The following METTL25 variants were observed in gnomAD, a reference collection of about 807,000 sequenced individuals.
METTL25 encodes the protein methyltransferase like 25.
In METTL25, 64 loss-of-function variants were observed where a neutral mutation model predicts 71.6. The observed-to-expected ratio is 0.89, with a 90% CI of 0.73 to 1.10. METTL25 has a LOEUF of 1.10. Among genes scored for constraint, METTL25 ranks in the 50% least tolerant of loss-of-function variants. METTL25 has a pLI of 0.00. For synonymous variants in METTL25, 287 were observed against 250.3 expected (o/e 1.15, Z -1.38); for missense variants, 807 against 707.0 (o/e 1.14, Z -1.60).
intron 5 of METTL25, among the ~76,000 whole-genome samples, chr12:82,423,569 G>T (rs1280553886): frequency 1.3e-5 from 2 of 152,168 alleles, no homozygotes; most frequent in African/African-American, 4.8e-5. Context: ...AAGAGCTTCT[G>T]CACAGCAAAA....
chr12:82,362,948 A>G (rs1245509738), intron 1 of METTL25, among the ~76,000 whole-genome samples: 1 of 152,204 alleles, frequency 6.6e-6, no homozygotes, highest in Non-Finnish European at 1.5e-5. Flanking sequence ...AAAGACTGTG[A>G]TTGATTGGGT....
chr12:82,426,965 A>G (rs979749606), intron 5 of METTL25, among the ~76,000 whole-genome samples: 3 of 151,790 alleles, frequency 2.0e-5, no homozygotes, highest in African/African-American at 7.3e-5. Context: ...ATCCCTATTC[A>G]TATTAGCTAC....
chr12:82,414,695 CAG>C (rs1040881026), intron 5 of METTL25, among the ~76,000 whole-genome samples: 31 of 151,992 alleles, frequency 2.0e-4, no homozygotes, highest in Non-Finnish European at 4.1e-4. Flanking sequence ...AAATTCTTGT[CAG>C]AGAGTTGACA....
intron 8 of METTL25, among the ~76,000 whole-genome samples, chr12:82,450,070 C>CT (rs1891032087): frequency 6.6e-6 from 1 of 152,136 alleles, no homozygotes; most frequent in Non-Finnish European, 1.5e-5. Context: ...TGAAACACTT[C>CT]TTTCTCTCAT....
chr12:82,429,201 A>C (rs891839143), intron 5 of METTL25, among the ~76,000 whole-genome samples: 11 of 151,666 alleles, frequency 7.3e-5, no homozygotes, highest in Admixed American at 2.6e-4. Flanking sequence ...CTCTCCCCAC[A>C]GCACATATAC....
chr12:82,379,781 G>A (rs1236298490), intron 1 of METTL25, among the ~76,000 whole-genome samples: 2 of 152,136 alleles, frequency 1.3e-5, no homozygotes, highest in Non-Finnish European at 2.9e-5. Context: ...CCTACCTAGA[G>A]CATAGTATCC....
rs536011532 is a variant in METTL25 at position 82,407,849 on chromosome 12, A to G, written c.1279+4719A>G. The G allele has an allele frequency of 1.5e-5, 15 of 985,374 alleles. No homozygotes were observed. In the South Asian group the frequency reaches 5.6e-4, roughly 37 times the overall value. 61.0% of individuals were successfully genotyped at this position (985,374 alleles called of 1,614,324 possible). ...TAGCCCTGGACTGCCACATTTTCTCATCTCAAAAACCAGATGGAAAAGGTA... is the reference window on the plus strand; with the variant it reads ...TAGCCCTGGACTGCCACATTTTCTCGTCTCAAAAACCAGATGGAAAAGGTA... On this transcript the variant is annotated intron_variant, in intron 5 of 11. Coordinates refer to ENST00000248306, the MANE Select transcript of METTL25 (RefSeq NM_032230.3).
At chr12:82,457,846 A>G (rs930222046) in intron 9 of METTL25, among the ~76,000 whole-genome samples, 3 of 152,088 alleles carry the variant, frequency 2.0e-5, no homozygotes, top group Non-Finnish European at 2.9e-5. Flanking sequence ...AGAATAGACA[A>G]GGTTACACTA....
At chr12:82,443,590 T>C (rs1890521261) in intron 8 of METTL25, among the ~76,000 whole-genome samples, 1 of 152,122 alleles carries the variant, frequency 6.6e-6, no homozygotes, top group Non-Finnish European at 1.5e-5. Context: ...GCTGAGTAAT[T>C]TATAAAGAAA....
intron 8 of METTL25, among the ~76,000 whole-genome samples, chr12:82,456,474 T>C (rs915643225): frequency 6.6e-6 from 1 of 151,954 alleles, no homozygotes; most frequent in Non-Finnish European, 1.5e-5. Context: ...AAATGAGGCT[T>C]TTTAATACTG....
At chr12:82,434,177 C>T (rs1357226548) in intron 6 of METTL25, among the ~76,000 whole-genome samples, 1 of 151,276 alleles carries the variant, frequency 6.6e-6, no homozygotes, top group Non-Finnish European at 1.5e-5. Flanking sequence ...ATTTGTAGAT[C>T]ACACAGACCA....
intron 1 of METTL25, among the ~76,000 whole-genome samples, chr12:82,373,559 A>C (rs1386526098): frequency 3.3e-5 from 5 of 152,132 alleles, no homozygotes; most frequent in Non-Finnish European, 2.9e-5. Context: ...GGTGAGAGAA[A>C]GTTTGTCTGA....
At chr12:82,456,215 C>T (rs1891475906) in intron 8 of METTL25, among the ~76,000 whole-genome samples, 1 of 151,802 alleles carries the variant, frequency 6.6e-6, no homozygotes, top group Non-Finnish European at 1.5e-5. Flanking sequence ...TCAAAACCAT[C>T]CCATGCTACT....
chr12:82,358,811 A>C lies in METTL25; in HGVS notation c.246A>C (p.Ala82=). 2 of 1,607,810 alleles carry C rather than the reference A, an allele frequency of 1.2e-6. No individual in the cohort carries two copies. Among genetic ancestry groups the C allele is most frequent in the South Asian group, 2.2e-5 (2 of 90,990 alleles). Residue 82 remains alanine, a synonymous_variant, in exon 1 of 12, where the codon GCA becomes GCC. Transcript: ENST00000248306. ...LPSETRPLVE[A]EWEAGMTDFP... is the part of the protein sequence containing the mutation. ...CAGAGACGCGCCCCCTAGTGGAAGC[A>C]GAGTGGGAAGCAGGTGGGTGGTGGG...
chr12:82,424,406 G>T (rs543399053), intron 5 of METTL25, among the ~76,000 whole-genome samples: 196 of 152,194 alleles, frequency 1.3e-3, no homozygotes, highest in Non-Finnish European at 2.0e-3. Context: ...GAAGGGGGGA[G>T]GGATAGCATT....
chr12:82,403,498 T>C (rs17774872), intron 5 of METTL25, among the ~76,000 whole-genome samples: 9,440 of 152,324 alleles, frequency 0.062, 341 homozygotes, highest in Middle Eastern at 0.12. Flanking sequence ...ATTTCAAAGT[T>C]TGCTTTTGTT....
rs185981330 is a variant in METTL25 at position 82,443,233 on chromosome 12, T to G, written c.1478+4442T>G. 2.1e-4 allele frequency among the ~76,000 whole-genome samples: 32 copies of G among 151,766 alleles called. No individual in the cohort carries two copies. The East Asian group carries it at 5.8e-3, about 28-fold the overall frequency. On this transcript the variant is annotated intron_variant, in intron 8 of 11. Coordinates refer to ENST00000248306, the MANE Select transcript of METTL25 (RefSeq NM_032230.3). The stretch of plus-strand genomic sequence containing the variant: ...AGTAAAAAGAAAAGTTCTAGACACG[T>G]AAGAGTAAAATTGCTGAAAATAAAG...
chr12:82,415,104 A>G (rs1887867504), intron 5 of METTL25, among the ~76,000 whole-genome samples: 1 of 152,172 alleles, frequency 6.6e-6, no homozygotes, highest in Non-Finnish European at 1.5e-5. Flanking sequence ...AACCAACACA[A>G]TGTTTTCCCT....
intron 1 of METTL25, chr12:82,374,207 A>G (rs1454773456): frequency 1.3e-5 from 2 of 153,824 alleles, no homozygotes. Flanking sequence ...AGCGAGTGTT[A>G]CAGCTCTTAA....
Sources: allele counts gnomAD v4.1 joint callset (sites outside exome capture counted in the v4.1 genomes callset), GRCh38; gene constraint gnomAD v4.1.1; transcripts MANE v1.5; gene names NCBI Gene and HGNC (gene_info 2026-07-23, HGNC 2026-07-21).